Variants in EPG5 observed in about 807,000 individuals in gnomAD.
The protein encoded by EPG5 is ectopic P-granules 5 autophagy tethering factor.
In EPG5, 159 loss-of-function variants were observed where a neutral mutation model predicts 302.7. The observed-to-expected ratio is 0.53, with a 90% confidence interval of 0.46 to 0.60. The LOEUF (loss-of-function observed/expected upper bound fraction) is 0.60. EPG5 is among the 20% of genes least tolerant of loss of function. The probability of loss-of-function intolerance (pLI) is 0.00; values close to 1 mark genes in which losing one functional copy is unlikely to be tolerated. For missense variants in EPG5, 2,896 were observed against 3,092.4 expected, an observed-to-expected ratio of 0.94 and a Z score of 1.51; for synonymous variants, 1,158 against 1,136.8, an observed-to-expected ratio of 1.02 and a Z score of -0.37.
At chr18:45,854,231 T>A (rs1259530293) in intron 43 of EPG5, among the ~76,000 whole-genome samples, 1 of 152,248 alleles carries the variant, frequency 6.6e-6, no homozygotes, top group Non-Finnish European at 1.5e-5. Context: ...GTCTAGGCAA[T>A]GAGTGACAAC....
At chr18:45,870,499 A>T in intron 36 of EPG5, 68 bp downstream of exon 36, 1 of 1,438,336 alleles carries the variant, frequency 7.0e-7, no homozygotes, top group Non-Finnish European at 9.5e-7. Context: ...CCTAACAACC[A>T]CAGTGACCAG....
chr18:45,869,183 T>C (rs9957142), intron 36 of EPG5, among the ~76,000 whole-genome samples: 2,946 of 152,290 alleles, frequency 0.019, 89 homozygotes, highest in African/African-American at 0.067. Flanking sequence ...TACTCATGAA[T>C]TTTTCCTTTC....
chr18:45,833,717 T>C, the EPG5 span, among the ~76,000 whole-genome samples: 2 of 152,214 alleles, frequency 1.3e-5, no homozygotes, highest in Non-Finnish European at 2.9e-5. Flanking sequence ...ACTGCTGTCA[T>C]TATTGTTGCT....
chr18:45,873,060 A>C (rs534193562), intron 35 of EPG5, among the ~76,000 whole-genome samples: 1 of 152,322 alleles, frequency 6.6e-6, no homozygotes, highest in South Asian at 2.1e-4. Context: ...AAAAAGCTGC[A>C]ATACTTCTTC....
At chr18:45,871,729 T>C (rs1311089637) in intron 35 of EPG5, among the ~76,000 whole-genome samples, 1 of 152,120 alleles carries the variant, frequency 6.6e-6, no homozygotes, top group Non-Finnish European at 1.5e-5. Flanking sequence ...TCTAGTAAGT[T>C]GAACTCATTG....
chr18:45,813,656 C>G, the EPG5 span, among the ~76,000 whole-genome samples: 2 of 152,116 alleles, frequency 1.3e-5, no homozygotes, highest in East Asian at 3.9e-4. Flanking sequence ...TCAGCAAACT[C>G]TCACAAGGAC....
At chr18:45,815,600 C>G in the EPG5 span, among the ~76,000 whole-genome samples, 1 of 152,108 alleles carries the variant, frequency 6.6e-6, no homozygotes, top group Non-Finnish European at 1.5e-5. Context: ...TGAAAGACCT[C>G]TACAAGGAAA....
chr18:45,801,031 G>A, the EPG5 span, among the ~76,000 whole-genome samples: 4 of 151,866 alleles, frequency 2.6e-5, no homozygotes, highest in African/African-American at 9.7e-5. Flanking sequence ...TGTTTTGAAT[G>A]GGGGGTTGTT....
chr18:45,865,018 C>T (rs1370332914), intron 39 of EPG5, among the ~76,000 whole-genome samples: 1 of 152,134 alleles, frequency 6.6e-6, no homozygotes, highest in Admixed American at 6.5e-5. Context: ...CTGGGCTTTA[C>T]CACCTCCCCC....
intron 9 of EPG5, among the ~76,000 whole-genome samples, chr18:45,941,482 C>T (rs962544470): frequency 6.6e-6 from 1 of 152,040 alleles, no homozygotes; most frequent in Admixed American, 6.6e-5. Flanking sequence ...TGAAGGCAAG[C>T]CCTTATGGGA....
chr18:45,825,700 C>G, the EPG5 span: 1 of 1,612,476 alleles, frequency 6.2e-7, no homozygotes, highest in Non-Finnish European at 8.5e-7. Flanking sequence ...GAGAGCGGGT[C>G]TGGCCTGGGG....
In EPG5 at chr18:45,882,141, G is replaced by A. The variant is rs912046450; in HGVS notation, c.5518+133C>T. 8 of 792,598 alleles carry A rather than the reference G, an allele frequency of 1.0e-5. No homozygotes were observed. The African/African-American group carries it at 1.0e-4, about 10-fold the overall frequency. The allele number at this position is 792,598 out of a possible 1,614,324, so 49.1% of individuals were successfully genotyped here. On this transcript the variant is annotated intron_variant, in intron 31 of 43. Coordinates refer to ENST00000282041, the MANE Select transcript of EPG5 (RefSeq NM_020964.3). ...TGGGCCTTGTTCATCAAGCCCTTTAGATGACAATTAGTGATTCTAAACTCC... is the reference window on the plus strand; with the variant it reads ...TGGGCCTTGTTCATCAAGCCCTTTAAATGACAATTAGTGATTCTAAACTCC...
intron 31 of EPG5, 125 bp downstream of exon 31, chr18:45,882,149 T>C (rs2049111265): frequency 1.2e-6 from 1 of 833,496 alleles, no homozygotes; most frequent in Admixed American, 2.8e-5. Flanking sequence ...TAGATGACAA[T>C]TAGTGATTCT....
At position 45,876,189 on chromosome 18, in the gene EPG5, T is replaced by C. The variant is rs2055353131; in HGVS notation, c.6049+47A>G. ...AAGTAGAAGAAAAAGACTGACTGAC[T>C]TAGGGAAAAATGAAAACTAAGCAGA... On this transcript the variant is annotated intron_variant, in intron 35 of 43. Transcript: ENST00000282041. 2.2e-6 allele frequency: 3 copies of C among 1,333,416 alleles called. No individual in the cohort carries two copies. In the Admixed American group the frequency reaches 5.1e-5, roughly 23 times the overall value. 82.6% of individuals were successfully genotyped at this position (1,333,416 alleles called of 1,614,324 possible). A position where few individuals can be genotyped will look rare whatever the true frequency, so the allele number is the denominator to read the frequency against.
intron 39 of EPG5, among the ~76,000 whole-genome samples, chr18:45,860,904 C>T (rs1025976330): frequency 2.6e-5 from 4 of 151,980 alleles, no homozygotes; most frequent in Admixed American, 2.6e-4. Flanking sequence ...AGTAAACCAA[C>T]TGGTAATTTT....
intron 35 of EPG5, among the ~76,000 whole-genome samples, chr18:45,871,228 T>A (rs147058280): frequency 6.6e-6 from 1 of 152,180 alleles, no homozygotes; most frequent in East Asian, 1.9e-4. Context: ...ACCACAACAA[T>A]GTATCAGTGC....
chr18:45,897,856 A>C (rs1458957074), intron 27 of EPG5, among the ~76,000 whole-genome samples: 6 of 152,246 alleles, frequency 3.9e-5, no homozygotes, highest in Admixed American at 3.9e-4. Flanking sequence ...GAATAGTTAC[A>C]ATGAAAATTA....
At chr18:45,951,755 G>A (rs1245016280) in intron 3 of EPG5, among the ~76,000 whole-genome samples, 2 of 151,952 alleles carry the variant, frequency 1.3e-5, no homozygotes, top group African/African-American at 4.8e-5. Flanking sequence ...CACCACACCC[G>A]GCCATAATCC....
chr18:45,884,798 C>T lies in EPG5; in HGVS notation c.5123G>A (p.Gly1708Asp), dbSNP rs750664406. The T allele has an allele frequency of 3.0e-5, 46 of 1,554,532 alleles. No individual in the cohort carries two copies. The highest frequency in any genetic ancestry group is 1.7e-4 in the Middle Eastern group (1 of 5,894). ...TACTTTTCTGCACTCTGATTTAATG[C>T]CACTGATAAATACCTTGGAAAAATA... ...IEILGQVFIS[G>D]IKSECRKVLE... Residue 1708 changes from glycine to aspartate, a missense_variant, in exon 30 of 44, where the codon GGC becomes GAC. Physicochemically the swap from Gly to Asp is moderately conservative, Grantham distance 94. Transcript: ENST00000282041.
Sources: allele counts gnomAD v4.1 joint callset (sites outside exome capture counted in the v4.1 genomes callset), GRCh38; gene constraint gnomAD v4.1.1; transcripts MANE v1.5; gene names NCBI Gene and HGNC (gene_info 2026-07-23, HGNC 2026-07-21).